Variants in EPHA6 observed in about 807,000 individuals in gnomAD.
EPHA6 encodes the protein EPH receptor A6.
In EPHA6, 50 loss-of-function variants were observed where a neutral mutation model predicts 112.0. The observed-to-expected ratio is 0.45, with a 90% confidence interval of 0.36 to 0.56. The LOEUF (loss-of-function observed/expected upper bound fraction) is 0.56. EPHA6 is among the 20% of genes least tolerant of loss of function. The pLI is 0.00. For synonymous variants in EPHA6, 529 were observed against 490.7 expected (o/e 1.08, Z -1.03); for missense variants, 1,280 against 1,417.4 (o/e 0.90, Z 1.56).
At chr3:97,422,655 C>G (rs956591265) in intron 6 of EPHA6, among the ~76,000 whole-genome samples, 2 of 152,134 alleles carry the variant, frequency 1.3e-5, no homozygotes, top group African/African-American at 4.8e-5. Flanking sequence ...AGCACATACT[C>G]TAAAATCAAC....
rs1168318745 is a variant in EPHA6, at chr3:97,646,043, A to G, written c.2784+7961A>G. On this transcript the variant is annotated intron_variant, in intron 14 of 17. Transcript: ENST00000389672. ...AAAAATATCTTTAGAACAGTATGCTACATGGAAGCTATCCTTTTCTAATCA... is the reference window on the plus strand; with the variant it reads ...AAAAATATCTTTAGAACAGTATGCTGCATGGAAGCTATCCTTTTCTAATCA... The G allele has an allele frequency of 6.2e-6, 7 of 1,123,304 alleles. No homozygotes were observed. In the East Asian group the frequency reaches 1.3e-4, roughly 21 times the overall value. 69.6% of individuals were successfully genotyped at this position (1,123,304 alleles called of 1,614,324 possible).
intron 3 of EPHA6, among the ~76,000 whole-genome samples, chr3:97,005,000 G>A (rs1296614043): frequency 6.6e-6 from 1 of 152,136 alleles, no homozygotes; most frequent in Non-Finnish European, 1.5e-5. Context: ...GTACCATGCG[G>A]TTTTGGTTAC....
At chr3:97,115,379 T>C (rs969915753) in intron 3 of EPHA6, among the ~76,000 whole-genome samples, 1 of 151,716 alleles carries the variant, frequency 6.6e-6, no homozygotes, top group Non-Finnish European at 1.5e-5. Context: ...AAAAAAAATG[T>C]AGAAGAGGAG....
chr3:96,994,422 G>T (rs2043326876), intron 3 of EPHA6, among the ~76,000 whole-genome samples: 1 of 151,916 alleles, frequency 6.6e-6, no homozygotes, highest in South Asian at 2.1e-4. Flanking sequence ...AAATAACATT[G>T]ATTTGCAAAG....
chr3:97,165,425 A>G (rs1281644279), intron 3 of EPHA6, among the ~76,000 whole-genome samples: 2 of 152,150 alleles, frequency 1.3e-5, no homozygotes, highest in Non-Finnish European at 2.9e-5. Context: ...AGTATATAAT[A>G]AGCATTTTTA....
chr3:97,640,223 C>T (rs1011399901), intron 14 of EPHA6, among the ~76,000 whole-genome samples: 1 of 151,860 alleles, frequency 6.6e-6, no homozygotes. Context: ...ATTTATTACG[C>T]TGACAGTTGG....
At chr3:97,689,295 G>A (rs1012781691) in intron 14 of EPHA6, among the ~76,000 whole-genome samples, 10 of 152,198 alleles carry the variant, frequency 6.6e-5, no homozygotes, top group African/African-American at 2.4e-4. Context: ...CGAGTCCCAG[G>A]AGATGTGGTA....
At chr3:96,932,200 A>G (rs1576077326) in intron 2 of EPHA6, among the ~76,000 whole-genome samples, 1 of 152,070 alleles carries the variant, frequency 6.6e-6, no homozygotes, top group Non-Finnish European at 1.5e-5. Context: ...ATCAGTCCCA[A>G]TGTGAGAACC....
chr3:97,362,909 G>A (rs1357936175), intron 5 of EPHA6, among the ~76,000 whole-genome samples: 4 of 151,360 alleles, frequency 2.6e-5, no homozygotes, highest in African/African-American at 9.7e-5. Flanking sequence ...TAAGATTACT[G>A]CAATGCTCCT....
chr3:96,853,236 A>G (rs2107382845), intron 1 of EPHA6, among the ~76,000 whole-genome samples: 1 of 152,208 alleles, frequency 6.6e-6, no homozygotes, highest in Admixed American at 6.5e-5. Flanking sequence ...CAATAGATCT[A>G]GTATCTAATA....
chr3:97,201,909 A>G (rs147333851), intron 3 of EPHA6, among the ~76,000 whole-genome samples: 2 of 152,250 alleles, frequency 1.3e-5, no homozygotes, highest in Non-Finnish European at 2.9e-5. Context: ...AAGGACCAGA[A>G]TCTTCATCAC....
chr3:97,413,301 T>G (rs1483247909), intron 6 of EPHA6, among the ~76,000 whole-genome samples: 1 of 151,910 alleles, frequency 6.6e-6, no homozygotes, highest in Non-Finnish European at 1.5e-5. Flanking sequence ...AGGATGCGCC[T>G]GAGGAAAAAA....
intron 7 of EPHA6, among the ~76,000 whole-genome samples, chr3:97,463,092 A>G (rs1219792627): frequency 6.6e-6 from 1 of 152,310 alleles, no homozygotes; most frequent in Non-Finnish European, 1.5e-5. Flanking sequence ...AAACAAAAAA[A>G]GATGAATTTT....
At chr3:96,900,340 G>A (rs1053552318) in intron 2 of EPHA6, among the ~76,000 whole-genome samples, 5 of 152,182 alleles carry the variant, frequency 3.3e-5, no homozygotes, top group African/African-American at 9.6e-5. Flanking sequence ...AAATCCCATA[G>A]AGGGAAGAAA....
At chr3:96,989,701 C>G (rs945698264) in intron 3 of EPHA6, among the ~76,000 whole-genome samples, 2 of 151,968 alleles carry the variant, frequency 1.3e-5, no homozygotes, top group Non-Finnish European at 2.9e-5. Flanking sequence ...AGCATGTATG[C>G]CTTACCCTGG....
intron 3 of EPHA6, among the ~76,000 whole-genome samples, chr3:97,184,704 G>GA (rs1298438190): frequency 9.2e-5 from 14 of 151,994 alleles, no homozygotes; most frequent in African/African-American, 3.1e-4. Context: ...CACAGAACTG[G>GA]AAAAAACTAC....
At chr3:97,008,547 T>C (rs977539977) in intron 3 of EPHA6, among the ~76,000 whole-genome samples, 16 of 152,188 alleles carry the variant, frequency 1.1e-4, no homozygotes, top group Non-Finnish European at 1.3e-4. Flanking sequence ...TTGAGTTGGG[T>C]TAGAACATGC....
At position 97,366,538 on chromosome 3, in the gene EPHA6, G is replaced by A. The variant is rs561809519; in HGVS notation, c.1607-38612G>A. 3.9e-5 allele frequency among the ~76,000 whole-genome samples: 6 copies of A among 152,030 alleles called. 1 individual carries two copies. In the South Asian group the frequency reaches 1.3e-3, roughly 32 times the overall value. ...TGTGTGGAAATGCTACCTCTGAGTAGGTTTATTGTTAATACAGTCACTAAT... is the reference window on the plus strand; with the variant it reads ...TGTGTGGAAATGCTACCTCTGAGTAAGTTTATTGTTAATACAGTCACTAAT... On this transcript the variant is annotated intron_variant, in intron 5 of 17. Coordinates refer to ENST00000389672, the MANE Select transcript of EPHA6 (RefSeq NM_001080448.3).
At chr3:97,416,717 A>T (rs545528696) in intron 6 of EPHA6, among the ~76,000 whole-genome samples, 3 of 152,280 alleles carry the variant, frequency 2.0e-5, no homozygotes, top group South Asian at 4.1e-4. Context: ...ATTAGGAATG[A>T]TATTAAAATT....
Sources: allele counts gnomAD v4.1 joint callset (sites outside exome capture counted in the v4.1 genomes callset), GRCh38; gene constraint gnomAD v4.1.1; transcripts MANE v1.5; gene names NCBI Gene and HGNC (gene_info 2026-07-23, HGNC 2026-07-21).